Variants in TBC1D22A observed in about 807,000 individuals in gnomAD.
TBC1D22A encodes the protein putative GTPase activator.
In TBC1D22A, 38 loss-of-function variants were observed where a neutral mutation model predicts 60.2. The observed-to-expected ratio is 0.63, with a 90% CI of 0.49 to 0.83. The LOEUF is 0.83. TBC1D22A is among the 40% of genes least tolerant of loss of function. The pLI, the probability that TBC1D22A is intolerant of heterozygous loss-of-function variation, is 0.00. For synonymous variants in TBC1D22A, 302 were observed against 281.7 expected (o/e 1.07, Z -0.72); for missense variants, 628 against 701.0 (o/e 0.90, Z 1.18).
intron 4 of TBC1D22A, among the ~76,000 whole-genome samples, chr22:46,823,609 C>T (rs141754214): frequency 2.6e-4 from 39 of 152,290 alleles, no homozygotes; most frequent in Middle Eastern, 3.4e-3. Context: ...TCACCACTTA[C>T]GGGGAGGATT....
intron 4 of TBC1D22A, among the ~76,000 whole-genome samples, chr22:46,841,358 GC>G (rs1295497440): frequency 6.6e-6 from 1 of 152,216 alleles, no homozygotes; most frequent in Non-Finnish European, 1.5e-5. Flanking sequence ...CAGCAAGAGG[GC>G]CGTTGTCAGA....
intron 4 of TBC1D22A, among the ~76,000 whole-genome samples, chr22:46,875,552 A>G (rs1305783467): frequency 6.6e-6 from 1 of 151,840 alleles, no homozygotes; most frequent in Non-Finnish European, 1.5e-5. Context: ...CCCAGGTTCA[A>G]GTGATTCTCC....
intron 4 of TBC1D22A, among the ~76,000 whole-genome samples, chr22:46,869,557 A>G (rs1457235785): frequency 2.0e-5 from 3 of 152,324 alleles, no homozygotes; most frequent in South Asian, 4.1e-4. Flanking sequence ...CACAGGGGGC[A>G]TGCTCAGCAA....
At chr22:47,130,131 C>T (rs968361666) in intron 12 of TBC1D22A, among the ~76,000 whole-genome samples, 5 of 152,208 alleles carry the variant, frequency 3.3e-5, no homozygotes, top group South Asian at 4.1e-4. Context: ...CTTTCTGGGA[C>T]AGCATGTCAC....
At chr22:47,019,954 A>ACCCTCCATCCTCCCCTCTCCCTTAG (rs1569345254) in intron 10 of TBC1D22A, among the ~76,000 whole-genome samples, 6 of 125,456 alleles carry the variant, frequency 4.8e-5, no homozygotes, top group Non-Finnish European at 1.0e-4. Context: ...CTCTCCCTTA[A>ACCCTCCATCCTCCCCTCTCCCTTAG]CCCTCCATCC....
chr22:46,771,775 A>G (rs2083488283), intron 1 of TBC1D22A, among the ~76,000 whole-genome samples: 1 of 151,826 alleles, frequency 6.6e-6, no homozygotes, highest in Non-Finnish European at 1.5e-5. Flanking sequence ...TTGTATTTTT[A>G]GTAGAGATGG....
intron 4 of TBC1D22A, among the ~76,000 whole-genome samples, chr22:46,828,901 G>A (rs1373398916): frequency 2.0e-5 from 3 of 152,114 alleles, no homozygotes; most frequent in African/African-American, 7.2e-5. Flanking sequence ...TACCTCATGG[G>A]TCTTATTTCA....
chr22:46,978,704 G>C (rs1009562877), intron 9 of TBC1D22A, among the ~76,000 whole-genome samples: 3 of 152,144 alleles, frequency 2.0e-5, no homozygotes, highest in African/African-American at 7.2e-5. Context: ...CCGCCTCCCA[G>C]GTTCAAGCGA....
At chr22:47,168,496 A>G (rs1001945762) in intron 12 of TBC1D22A, among the ~76,000 whole-genome samples, 2 of 152,232 alleles carry the variant, frequency 1.3e-5, no homozygotes, top group African/African-American at 4.8e-5. Context: ...TGGGGAGAGC[A>G]GCAGGGACGC....
intron 12 of TBC1D22A, among the ~76,000 whole-genome samples, chr22:47,152,117 TTC>T (rs1383119785): frequency 7.2e-5 from 11 of 152,322 alleles, no homozygotes; most frequent in African/African-American, 2.4e-4. Flanking sequence ...GGCTCCACGG[TTC>T]TCTTTTTATT....
rs1011250679 is a variant in TBC1D22A at position 46,980,063 on chromosome 22, CCA to C, written c.1125+5665_1125+5666del. Among the ~76,000 whole-genome samples the C allele has an allele frequency of 2.0e-5, 3 of 152,038 alleles. No individual in the cohort carries two copies. In the East Asian group the frequency reaches 5.8e-4, roughly 29 times the overall value. ...TTGCTCTCGTTAGGAGGATTTGTAC[CCA>C]GAGACCTGAGACACTAGAACAGCGA... On this transcript the variant is annotated intron_variant, in intron 9 of 12. Coordinates refer to ENST00000337137, the MANE Select transcript of TBC1D22A (RefSeq NM_014346.5).
Position 46,796,639 on chromosome 22 carries a change from C to T in TBC1D22A, c.461-805C>T, listed in dbSNP as rs545532040. Among the ~76,000 whole-genome samples the T allele has an allele frequency of 6.6e-5, 10 of 151,336 alleles. No homozygotes were observed. The South Asian group carries it at 1.1e-3, about 16-fold the overall frequency. Reference sequence around the variant, plus strand: ...GTCTTCCCTTGGGCTGACCCGGTCCCGGGTTGCTGGGTGGAACGTGCTGTC... The same window carrying T: ...GTCTTCCCTTGGGCTGACCCGGTCCTGGGTTGCTGGGTGGAACGTGCTGTC... On this transcript the variant is annotated intron_variant, in intron 3 of 12. Coordinates refer to ENST00000337137, the MANE Select transcript of TBC1D22A (RefSeq NM_014346.5).
chr22:47,160,006 C>G (rs547930746), intron 12 of TBC1D22A, among the ~76,000 whole-genome samples: 2 of 152,206 alleles, frequency 1.3e-5, no homozygotes, highest in South Asian at 2.1e-4. Context: ...ACACACACTG[C>G]ACACCATATA....
intron 4 of TBC1D22A, among the ~76,000 whole-genome samples, chr22:46,818,639 A>G (rs1403024525): frequency 3.9e-5 from 6 of 152,080 alleles, no homozygotes; most frequent in African/African-American, 1.2e-4. Context: ...AGTACCATGC[A>G]GTTTTGATTA....
intron 5 of TBC1D22A, among the ~76,000 whole-genome samples, chr22:46,888,698 C>T (rs1460418073): frequency 6.6e-6 from 1 of 152,172 alleles, no homozygotes; most frequent in Non-Finnish European, 1.5e-5. Flanking sequence ...AGGAAAAAAA[C>T]AAGGAGAAAA....
chr22:46,803,782 A>C (rs2085007885), intron 4 of TBC1D22A, among the ~76,000 whole-genome samples: 1 of 152,166 alleles, frequency 6.6e-6, no homozygotes, highest in Admixed American at 6.5e-5. Flanking sequence ...GGCCACCTAG[A>C]ACTGCTGAAT....
At chr22:46,781,114 C>T (rs1231382948) in intron 1 of TBC1D22A, among the ~76,000 whole-genome samples, 2 of 150,336 alleles carry the variant, frequency 1.3e-5, no homozygotes, top group Admixed American at 6.7e-5. Flanking sequence ...CTCTGCTCTT[C>T]TCCCTGGAGG....
intron 4 of TBC1D22A, among the ~76,000 whole-genome samples, chr22:46,847,950 TGTGTGC>T (rs769301958): frequency 0.015 from 1,590 of 107,634 alleles, 24 homozygotes; most frequent in African/African-American, 0.046. Context: ...TGTGTGTGTG[TGTGTGC>T]GCGCGCGCAC....
intron 11 of TBC1D22A, among the ~76,000 whole-genome samples, chr22:47,076,257 T>A (rs2064203695): frequency 6.6e-6 from 1 of 151,388 alleles, no homozygotes; most frequent in Admixed American, 6.6e-5. Flanking sequence ...TTGTAAAAAT[T>A]GAGCACATGG....
Sources: allele counts gnomAD v4.1 joint callset (sites outside exome capture counted in the v4.1 genomes callset), GRCh38; gene constraint gnomAD v4.1.1; transcripts MANE v1.5; gene names NCBI Gene and HGNC (gene_info 2026-07-23, HGNC 2026-07-21).